The following PMS2 variants were observed in gnomAD, a reference collection of about 807,000 sequenced individuals.
The protein encoded by PMS2 is PMS1 homolog 2, mismatch repair system component, also known as mismatch repair endonuclease PMS2.
Under a neutral mutation model 90.0 loss-of-function variants are expected in PMS2, and 69 were observed. That is an observed-to-expected ratio of 0.77 (90% CI 0.63 to 0.94). The LOEUF (loss-of-function observed/expected upper bound fraction) is 0.94. Ranked by LOEUF, PMS2 falls within the 40% of genes least tolerant of loss-of-function variation. The pLI, the probability that PMS2 is intolerant of heterozygous loss-of-function variation, is 0.00. For missense variants in PMS2, 966 were observed against 1,040.2 expected, an observed-to-expected ratio of 0.93 and a Z score of 0.98; for synonymous variants, 332 against 375.1, an observed-to-expected ratio of 0.89 and a Z score of 1.33.
At chr7:5,990,132 C>T (rs754473341) in intron 9 of PMS2, among the ~76,000 whole-genome samples, 177 bp from the exon 10 acceptor site, 7 of 152,172 alleles carry the variant, frequency 4.6e-5, no homozygotes, top group South Asian at 2.1e-4. Flanking sequence ...CCTCAGCCTC[C>T]GAAGTAGCTA....
In PMS2 at chr7:6,005,913, C is replaced by G. The variant is rs755665894; in HGVS notation, c.142G>C (p.Asp48His). Residue 48 changes from aspartate (D) to histidine (H), a missense_variant, in exon 2 of 15, where the codon GAT becomes CAT. Transcript: ENST00000265849. The stretch of plus-strand genomic sequence containing the variant: ...TTACCAATATTAGTGGCACCAGCAT[C>G]CAGACTGTTTTCTACTAACTCCTTT... ...AVKELVENSL[D>H]AGATNIDLKL... 6.2e-7 allele frequency: 1 copy of G among 1,610,826 alleles called. No homozygotes were observed. Among genetic ancestry groups the G allele is most frequent in the Non-Finnish European group, 8.5e-7 (1 of 1,179,842 alleles).
At position 5,985,321 on chromosome 7, in the gene PMS2, G is replaced by C. The variant is rs551348113; in HGVS notation, c.2006+1438C>G. On this transcript the variant is annotated intron_variant, in intron 11 of 14. Transcript: ENST00000265849. The stretch of plus-strand genomic sequence containing the variant: ...GGGCCTCATTATATTGCCCAGGCTG[G>C]TCTCAAACTCCTAGCCTCAAGTGAT... 6.1e-5 allele frequency among the ~76,000 whole-genome samples: 9 copies of C among 146,826 alleles called. No homozygotes were observed. In the South Asian group the frequency reaches 1.7e-3, roughly 28 times the overall value.
rs772643900 is a variant in PMS2 at position 6,005,992 on chromosome 7, C to G, written c.63G>C (p.Lys21Asn). The G allele has an allele frequency of 6.2e-7, 1 of 1,610,800 alleles. No individual in the cohort carries two copies. Among genetic ancestry groups the G allele is most frequent in the Admixed American group, 1.7e-5 (1 of 60,000 alleles). The change falls in exon 2 of 15, where the codon AAG becomes AAC. Residue 21 changes from lysine (K) to asparagine (N), a missense_variant. Coordinates refer to ENST00000265849, the MANE Select transcript of PMS2 (RefSeq NM_000535.7). ...GCCCAGAGCAAATCTGATGGACTGACTTCCGATCAATAGGTTTGATGGCCT... is the reference window on the plus strand; with the variant it reads ...GCCCAGAGCAAATCTGATGGACTGAGTTCCGATCAATAGGTTTGATGGCCT... ...PAKAIKPIDR[K>N]SVHQICSGQV... is the part of the protein sequence containing the mutation.
intron 8 of PMS2, among the ~76,000 whole-genome samples, chr7:5,995,041 T>A (rs572094928): frequency 2.8e-4 from 42 of 151,918 alleles, no homozygotes; most frequent in African/African-American, 7.5e-4. Context: ...GAAAAAAATA[T>A]ATATATATTT....
Position 5,977,925 on chromosome 7 carries a change from C to G in PMS2, c.2276-168G>C, listed in dbSNP as rs533313971. ...ATGAGGTCAGGAGATACAGACCATC[C>G]TGGCTAACATGGTGAAACCCCGTCT... On this transcript the variant is annotated intron_variant, in intron 13 of 14. Transcript: ENST00000265849. 2.7e-5 allele frequency among the ~76,000 whole-genome samples: 4 copies of G among 150,726 alleles called. No individual in the cohort carries two copies. The South Asian group carries it at 8.4e-4, about 32-fold the overall frequency.
At position 5,987,501 on chromosome 7, in the gene PMS2, C is replaced by T. The variant is rs587782175; in HGVS notation, c.1264G>A (p.Glu422Lys). Residue 422 changes from glutamate (E) to lysine (K), a missense_variant, in exon 11 of 15, where the codon GAG becomes AAG. Physicochemically the swap from Glu to Lys is moderately conservative, Grantham distance 56 (BLOSUM62 1). This residue lies in a region of PMS2 where 871 missense variants were observed against 802.4 expected (regional missense o/e 1.09). Transcript: ENST00000265849. ...KKDVSISRLR[E>K]AFSLRHTTEN... is the part of the protein sequence containing the mutation. Reference sequence around the variant, plus strand: ...GTTGTGTGACGAAGAGAAAAGGCCTCTCGCAGTCTGGAAATGGACACGTCT... The same window carrying T: ...GTTGTGTGACGAAGAGAAAAGGCCTTTCGCAGTCTGGAAATGGACACGTCT... 8.7e-6 allele frequency: 14 copies of T among 1,614,060 alleles called. No homozygotes were observed. The highest frequency in any genetic ancestry group is 1.7e-6 in the Non-Finnish European group (2 of 1,180,034).
rs587780726 is a variant in PMS2, at chr7:6,008,999, C to G, written c.21G>C (p.Ser7=). The stretch of plus-strand genomic sequence containing the variant: ...GGAAGACTGCGAGCCCCGCTCACCT[C>G]GAGCTCTCAGCTCGCTCCATGGATG... MERAES[S]STEPAKAIKP... Residue 7 remains serine (S), a splice_region_variant and synonymous_variant, in exon 1 of 15, where the codon TCG becomes TCC. Transcript: ENST00000265849. The G allele has an allele frequency of 1.1e-5, 17 of 1,612,670 alleles. No individual in the cohort carries two copies. Among genetic ancestry groups the G allele is most frequent in the South Asian group, 2.2e-5 (2 of 91,024 alleles).
At chr7:5,996,772 C>G (rs956855422) in intron 7 of PMS2, among the ~76,000 whole-genome samples, 2 of 151,864 alleles carry the variant, frequency 1.3e-5, no homozygotes, top group Non-Finnish European at 2.9e-5. Flanking sequence ...TCTAACTAAA[C>G]AGAGCCTTAA....
intron 8 of PMS2, 123 bp downstream of exon 8, chr7:5,995,411 T>C (rs1784273642): frequency 1.4e-6 from 1 of 707,702 alleles, no homozygotes; most frequent in South Asian, 1.5e-5. Flanking sequence ...CAAAATAAGA[T>C]AATGTTAAAG....
At chr7:5,973,588 G>A (rs767699128) in intron 14 of PMS2, 46 bp from the exon 15 acceptor site, 3 of 412,084 alleles carry the variant, frequency 7.3e-6, no homozygotes, top group Non-Finnish European at 1.3e-5. Context: ...GTTTTTTGAC[G>A]TCAGAATGGC....
chr7:5,994,862 T>C (rs1413410778), intron 8 of PMS2, among the ~76,000 whole-genome samples: 1 of 152,120 alleles, frequency 6.6e-6, no homozygotes, highest in African/African-American at 2.4e-5. Flanking sequence ...ATCTCAGCCT[T>C]GCCTCAGAAT....
intron 1 of PMS2, among the ~76,000 whole-genome samples, chr7:6,007,527 C>G (rs941127942): frequency 5.3e-5 from 8 of 152,136 alleles, no homozygotes; most frequent in Admixed American, 3.3e-4. Context: ...TCTGCCCAAA[C>G]AATGTCTGCT....
chr7:5,979,514 T>C (rs1443795535), intron 12 of PMS2, among the ~76,000 whole-genome samples: 2 of 150,132 alleles, frequency 1.3e-5, no homozygotes, highest in East Asian at 3.9e-4. Flanking sequence ...AAAAATGCTA[T>C]TTTTCCTCCT....
At chr7:5,988,949 G>A (rs576354031) in intron 10 of PMS2, among the ~76,000 whole-genome samples, 20 of 152,056 alleles carry the variant, frequency 1.3e-4, no homozygotes, top group African/African-American at 4.3e-4. Flanking sequence ...CCCTCCTCCC[G>A]GGTTCACGCC....
intron 4 of PMS2, 37 bp downstream of exon 4, chr7:6,003,653 T>C: frequency 9.3e-7 from 1 of 1,070,416 alleles, no homozygotes. Context: ...GAGGTTTCTC[T>C]AAGGGGTCAA....
At position 6,005,984 on chromosome 7, in the gene PMS2, T is replaced by G. The variant is rs139233015; in HGVS notation, c.71A>C (p.His24Pro). 11 of 1,610,680 alleles carry G rather than the reference T, an allele frequency of 6.8e-6. No individual in the cohort carries two copies. The African/African-American group carries it at 1.2e-4, about 18-fold the overall frequency. ...AIKPIDRKSV[H>P]QICSGQVVLS... The stretch of plus-strand genomic sequence containing the variant: ...TACCACCTGCCCAGAGCAAATCTGA[T>G]GGACTGACTTCCGATCAATAGGTTT... The change falls in exon 2 of 15, where the codon CAT becomes CCT. Residue 24 changes from histidine to proline, a missense_variant. By Grantham distance (77) the His-to-Pro change is moderately conservative (BLOSUM62 -2). Coordinates refer to ENST00000265849, the MANE Select transcript of PMS2 (RefSeq NM_000535.7).
At chr7:5,999,026 T>C in intron 6 of PMS2, 82 bp downstream of exon 6, 2 of 1,299,926 alleles carry the variant, frequency 1.5e-6, no homozygotes, top group South Asian at 2.4e-5. Flanking sequence ...GATTTTATTC[T>C]CCATTCTACT....
At chr7:5,990,789 A>G (rs1489349837) in intron 9 of PMS2, among the ~76,000 whole-genome samples, 1 of 152,128 alleles carries the variant, frequency 6.6e-6, no homozygotes, top group African/African-American at 2.4e-5. Flanking sequence ...TGAGACGAAC[A>G]GATAAGTTAA....
intron 4 of PMS2, 152 bp downstream of exon 4, chr7:6,003,538 A>G (rs754849155): frequency 6.8e-5 from 43 of 636,616 alleles, no homozygotes; most frequent in Non-Finnish European, 1.1e-4. Context: ...TTTCAGAAGT[A>G]CTATGACTTA....
Sources: allele counts gnomAD v4.1 joint callset (sites outside exome capture counted in the v4.1 genomes callset), GRCh38; gene constraint gnomAD v4.1.1; regional missense constraint gnomAD v4.1.1; transcripts MANE v1.5; gene names NCBI Gene and HGNC (gene_info 2026-07-23, HGNC 2026-07-21).